PTPRG: variants seen among roughly 807,000 people sequenced by gnomAD.
PTPRG encodes the protein protein tyrosine phosphatase receptor type G.
In PTPRG, 102 loss-of-function variants were observed where a neutral mutation model predicts 165.3. That is an observed-to-expected ratio of 0.62 (90% CI 0.53 to 0.73). PTPRG has a LOEUF of 0.73. Among genes scored for constraint, PTPRG ranks in the 30% least tolerant of loss-of-function variants. The pLI, the probability that PTPRG is intolerant of heterozygous loss-of-function variation, is 0.00. For synonymous variants in PTPRG, 675 were observed against 669.5 expected, an observed-to-expected ratio of 1.01 and a Z score of -0.13; for missense variants, 1,866 against 1,861.4, an observed-to-expected ratio of 1.00 and a Z score of -0.05.
chr3:61,582,904 A>G (rs752642149), intron 1 of PTPRG, among the ~76,000 whole-genome samples: 4 of 152,236 alleles, frequency 2.6e-5, no homozygotes, highest in East Asian at 1.9e-4. Context: ...TGAAGCTAAT[A>G]ACATGCTGAA....
intron 2 of PTPRG, among the ~76,000 whole-genome samples, chr3:61,886,442 G>C (rs1320656468): frequency 1.3e-5 from 2 of 152,126 alleles, no homozygotes; most frequent in African/African-American, 2.4e-5. Context: ...TTTGGTTTGA[G>C]ATCATGGGGA....
At chr3:61,810,553 A>T (rs1259665550) in intron 2 of PTPRG, among the ~76,000 whole-genome samples, 1 of 152,138 alleles carries the variant, frequency 6.6e-6, no homozygotes, top group African/African-American at 2.4e-5. Flanking sequence ...TAGGCATATG[A>T]CCTCAATAAA....
intron 4 of PTPRG, among the ~76,000 whole-genome samples, chr3:62,032,202 C>T (rs2107784629): frequency 6.6e-6 from 1 of 152,216 alleles, no homozygotes; most frequent in Admixed American, 6.5e-5. Context: ...CAAGGAAAAC[C>T]CATGTTCACA....
chr3:61,828,287 G>A (rs1025160207), intron 2 of PTPRG, among the ~76,000 whole-genome samples: 1 of 152,214 alleles, frequency 6.6e-6, no homozygotes, highest in Non-Finnish European at 1.5e-5. Flanking sequence ...TCAAACCTGG[G>A]TGACACAGTA....
chr3:62,036,248 A>G (rs560262356), intron 4 of PTPRG, among the ~76,000 whole-genome samples: 4 of 152,316 alleles, frequency 2.6e-5, no homozygotes, highest in African/African-American at 9.6e-5. Flanking sequence ...TAGGCCTTGA[A>G]GGAGGTGACT....
chr3:61,738,801 G>A (rs115193710), intron 1 of PTPRG, among the ~76,000 whole-genome samples: 1 of 151,700 alleles, frequency 6.6e-6, no homozygotes, highest in South Asian at 2.1e-4. Context: ...TTGAGACAAG[G>A]TCTTGCCCTG....
chr3:61,591,069 G>GAGC (rs1700556518), intron 1 of PTPRG, among the ~76,000 whole-genome samples: 1 of 152,204 alleles, frequency 6.6e-6, no homozygotes, highest in African/African-American at 2.4e-5. Flanking sequence ...CTGGGCAACA[G>GAGC]AGCAAGACCC....
chr3:62,115,447 A>G lies in PTPRG; in HGVS notation c.616-17155A>G, dbSNP rs559342522. 3.3e-5 allele frequency among the ~76,000 whole-genome samples: 5 copies of G among 152,312 alleles called. No individual in the cohort carries two copies. In the South Asian group the frequency reaches 1.0e-3, roughly 32 times the overall value. On this transcript the variant is annotated intron_variant, in intron 5 of 29. Transcript: ENST00000474889. ...GTATAAGCAGGTAGGTTACCACTCG[A>G]TGAAAAGTGATTGGTAATGGAGGAA... is the stretch of plus-strand genomic sequence containing the variant.
chr3:62,191,914 T>C (rs541934407), intron 9 of PTPRG, among the ~76,000 whole-genome samples: 17 of 152,348 alleles, frequency 1.1e-4, no homozygotes, highest in African/African-American at 4.1e-4. Flanking sequence ...TTGGTTCCTT[T>C]AAAACTGACT....
At chr3:61,732,420 A>T (rs2032538596) in intron 1 of PTPRG, among the ~76,000 whole-genome samples, 1 of 152,136 alleles carries the variant, frequency 6.6e-6, no homozygotes, top group African/African-American at 2.4e-5. Context: ...TACTAAAAAT[A>T]CAAAAAATTA....
At chr3:62,184,333 C>T (rs1705783369) in intron 8 of PTPRG, among the ~76,000 whole-genome samples, 1 of 152,256 alleles carries the variant, frequency 6.6e-6, no homozygotes, top group South Asian at 2.1e-4. Flanking sequence ...CCATCTTGAG[C>T]TCTTGGGCAG....
At chr3:61,650,254 G>A (rs977703520) in intron 1 of PTPRG, among the ~76,000 whole-genome samples, 4 of 152,154 alleles carry the variant, frequency 2.6e-5, no homozygotes, top group Non-Finnish European at 2.9e-5. Context: ...GCCAAGGGTG[G>A]GGGCACCATG....
intron 2 of PTPRG, among the ~76,000 whole-genome samples, chr3:61,846,349 C>G (rs138664986): frequency 2.0e-5 from 3 of 152,104 alleles, no homozygotes; most frequent in Non-Finnish European, 2.9e-5. Flanking sequence ...ATCCATGTGA[C>G]GGTTGCAGGT....
chr3:61,871,128 A>ATGTTG lies in PTPRG; in HGVS notation c.191-118462_191-118458dup, dbSNP rs796152535. Among the ~76,000 whole-genome samples the ATGTTG allele has an allele frequency of 6.6e-3, 810 of 122,832 alleles. 10 individuals are homozygous for ATGTTG. Among genetic ancestry groups the ATGTTG allele is most frequent in the Non-Finnish European group, 7.5e-3 (438 of 58,692 alleles). The allele number at this position is 122,832 out of a possible 152,430, so 80.6% of individuals were successfully genotyped here. On this transcript the variant is annotated intron_variant, in intron 2 of 29. Coordinates refer to ENST00000474889, the MANE Select transcript of PTPRG (RefSeq NM_002841.4). ...ATTCCCTGTTATGTTATGTTATGTT[A>ATGTTG]TGTTGTGTTGTGTTGTGTTGTGTTG...
intron 4 of PTPRG, among the ~76,000 whole-genome samples, chr3:62,018,411 A>G (rs1420414569): frequency 6.6e-6 from 1 of 152,196 alleles, no homozygotes; most frequent in Non-Finnish European, 1.5e-5. Flanking sequence ...TTTCCCTTCT[A>G]AAGTTTACTA....
intron 2 of PTPRG, among the ~76,000 whole-genome samples, chr3:61,754,782 T>A (rs1451691637): frequency 6.6e-6 from 1 of 152,230 alleles, no homozygotes; most frequent in Non-Finnish European, 1.5e-5. Flanking sequence ...TGTCTATTTT[T>A]AAGAATGTCT....
intron 6 of PTPRG, among the ~76,000 whole-genome samples, chr3:62,146,228 A>T (rs1337789565): frequency 6.6e-6 from 1 of 152,242 alleles, no homozygotes. Context: ...CATACATTTC[A>T]TTTAAACATC....
At chr3:62,169,554 C>G (rs2106739408) in intron 8 of PTPRG, among the ~76,000 whole-genome samples, 1 of 152,266 alleles carries the variant, frequency 6.6e-6, no homozygotes, top group East Asian at 1.9e-4. Flanking sequence ...CACACCTCTC[C>G]TCTCAGGCTC....
At chr3:62,215,988 C>A (rs1314545447) in intron 12 of PTPRG, among the ~76,000 whole-genome samples, 1 of 152,036 alleles carries the variant, frequency 6.6e-6, no homozygotes, top group Non-Finnish European at 1.5e-5. Context: ...GAGGCCGAGG[C>A]GGGAGGATCA....
Sources: gnomAD v4.1 joint callset for allele counts (sites outside exome capture counted in the v4.1 genomes callset) on GRCh38, gnomAD v4.1.1 for gene constraint, MANE v1.5 for transcripts, NCBI Gene and HGNC (gene_info 2026-07-23, HGNC 2026-07-21) for gene names.